The following SNX9 variants were observed in gnomAD, a reference collection of about 807,000 sequenced individuals.
The protein encoded by SNX9 is sorting nexin 9, also known as sorting nexin-9.
A neutral mutation model predicts 89.4 loss-of-function variants in SNX9; 44 were observed. The ratio of observed to expected loss-of-function variants is 0.49; its 90% CI spans 0.39 to 0.63. SNX9 has a LOEUF of 0.63. Ranked by LOEUF, SNX9 falls within the 30% of genes least tolerant of loss-of-function variation. SNX9 has a pLI of 0.00. For synonymous variants in SNX9, 236 were observed against 247.8 expected (o/e 0.95, Z 0.45); for missense variants, 578 against 736.1 (o/e 0.79, Z 2.49).
Position 157,844,587 on chromosome 6 carries a change from G to GTTTTTTTGTTTTTTTTTTTTTTTTTT in SNX9, c.12+21148_12+21149insGTTTTTTTTTTTTTTTTTTTTTTTTT, listed in dbSNP as rs1554291784. ...ATTTTTAATCTTGTGGCTAATCCTT[G>GTTTTTTTGTTTTTTTTTTTTTTTTTT]TTTTTTTTTTTTGTTTTTTTTTTTG... On this transcript the variant is annotated intron_variant, in intron 1 of 17. Transcript: ENST00000392185. 8.4e-5 allele frequency among the ~76,000 whole-genome samples: 11 copies of GTTTTTTTGTTTTTTTTTTTTTTTTTT among 130,296 alleles called. 1 individual carries two copies. The highest frequency in any genetic ancestry group is 2.3e-4 in the Admixed American group (3 of 13,252). 85.5% of individuals were successfully genotyped at this position (130,296 alleles called of 152,430 possible). A position where few individuals can be genotyped will look rare whatever the true frequency, so the allele number is the denominator to read the frequency against.
Position 157,852,021 on chromosome 6 carries a change from C to T in SNX9, c.13-15526C>T, listed in dbSNP as rs1781924804. On this transcript the variant is annotated intron_variant, in intron 1 of 17. Coordinates refer to ENST00000392185, the MANE Select transcript of SNX9 (RefSeq NM_016224.5). ...TTCCTTTGTATTTTGTTTATTCATCCGTTGATGGACATTTGAGTTGCTGCC... is the reference window on the plus strand; with the variant it reads ...TTCCTTTGTATTTTGTTTATTCATCTGTTGATGGACATTTGAGTTGCTGCC... 2.0e-5 allele frequency among the ~76,000 whole-genome samples: 3 copies of T among 152,214 alleles called. No individual in the cohort carries two copies. In the South Asian group the frequency reaches 6.2e-4, roughly 32 times the overall value.
At chr6:157,856,583 C>T (rs1041495676) in intron 1 of SNX9, among the ~76,000 whole-genome samples, 2 of 152,186 alleles carry the variant, frequency 1.3e-5, no homozygotes, top group Non-Finnish European at 2.9e-5. Context: ...CAGTTGGACT[C>T]AGAATCCTAA....
chr6:157,891,579 T>A (rs959082612), intron 4 of SNX9, among the ~76,000 whole-genome samples: 2 of 152,308 alleles, frequency 1.3e-5, no homozygotes. Context: ...ATTTAAAATA[T>A]TTGAGTCCTT....
intron 1 of SNX9, among the ~76,000 whole-genome samples, chr6:157,828,885 T>G (rs1402441189): frequency 4.6e-5 from 7 of 152,176 alleles, no homozygotes; most frequent in African/African-American, 1.7e-4. Context: ...ATTTTATATT[T>G]GTTTCTATAA....
At chr6:157,926,780 CAAAAAAAA>C (rs71027371) in intron 10 of SNX9, among the ~76,000 whole-genome samples, 8 of 60,728 alleles carry the variant, frequency 1.3e-4, no homozygotes, top group East Asian at 1.1e-3. Flanking sequence ...GACTCTGTCT[CAAAAAAAA>C]AAAAAAAAAA....
At chr6:157,845,083 C>A (rs1306177042) in intron 1 of SNX9, among the ~76,000 whole-genome samples, 2 of 151,114 alleles carry the variant, frequency 1.3e-5, no homozygotes, top group Non-Finnish European at 2.9e-5. Flanking sequence ...TCAGCCACCG[C>A]ACCTGGCCCT....
In SNX9 at chr6:157,823,375, A is replaced by T; in HGVS notation, c.-60A>T. The T allele has an allele frequency of 7.9e-7, 1 of 1,267,530 alleles. No individual in the cohort carries two copies. Among genetic ancestry groups the T allele is most frequent in the Non-Finnish European group, 1.0e-6 (1 of 998,546 alleles). The allele number at this position is 1,267,530 out of a possible 1,614,324, so 78.5% of individuals were successfully genotyped here. ...CCTTGCCTTTGCCTGCGCGGCTCAG[A>T]ATCACCATCCGCGGCGCGGGAGACG... is the stretch of plus-strand genomic sequence containing the variant. On this transcript the variant is annotated 5_prime_UTR_variant, in exon 1 of 18. Transcript: ENST00000392185. This position sits in a 1 kb window ranked among gnomAD's most constrained non-coding sequence, Gnocchi z 4.6.
Position 157,823,391 on chromosome 6 carries a change from G to A in SNX9, c.-44G>A. The A allele has an allele frequency of 7.9e-7, 1 of 1,272,448 alleles. No individual in the cohort carries two copies. Among genetic ancestry groups the A allele is most frequent in the Non-Finnish European group, 1.0e-6 (1 of 1,001,836 alleles). The allele number at this position is 1,272,448 out of a possible 1,614,324, so 78.8% of individuals were successfully genotyped here. ...GCGGCTCAGAATCACCATCCGCGGC[G>A]CGGGAGACGAGCCGGCCGTCCCGGG... On this transcript the variant is annotated 5_prime_UTR_variant, in exon 1 of 18. Transcript: ENST00000392185. This position sits in a 1 kb window ranked among gnomAD's most constrained non-coding sequence, Gnocchi z 4.6.
intron 4 of SNX9, among the ~76,000 whole-genome samples, chr6:157,894,729 A>G (rs1273516859): frequency 2.0e-5 from 3 of 152,236 alleles, no homozygotes; most frequent in Non-Finnish European, 2.9e-5. Context: ...CCTCAGCGTG[A>G]CAGTTGTCAG....
At chr6:157,875,810 G>A (rs914422361) in intron 4 of SNX9, among the ~76,000 whole-genome samples, 1 of 152,170 alleles carries the variant, frequency 6.6e-6, no homozygotes, top group Non-Finnish European at 1.5e-5. Context: ...ATGACACAGA[G>A]TAAGTGACAA....
At position 157,823,963 on chromosome 6, in the gene SNX9, G is replaced by A. The variant is rs940798395; in HGVS notation, c.12+517G>A. Among the ~76,000 whole-genome samples, 1 of 152,206 alleles carries A rather than the reference G, an allele frequency of 6.6e-6. No individual in the cohort carries two copies. On this transcript the variant is annotated intron_variant, in intron 1 of 17. Transcript: ENST00000392185. This position sits in a 1 kb window ranked among gnomAD's most constrained non-coding sequence, Gnocchi z 4.6. The stretch of plus-strand genomic sequence containing the variant: ...CGGCCTGCGGGGGCTCGCGGCCGGG[G>A]AGGGACCGAGGCTGGGACGCCCCGC...
Position 157,909,893 on chromosome 6 carries a change from T to C in SNX9, c.832-15T>C, listed in dbSNP as rs1783302817. The stretch of plus-strand genomic sequence containing the variant: ...GTTGGCATTGGTAACCTTTTCTCTT[T>C]CCCTTATTTTGTAGAACACTAATCG... On this transcript the variant is annotated splice_polypyrimidine_tract_variant and intron_variant, in intron 8 of 17. Transcript: ENST00000392185. 1 of 1,612,980 alleles carries C rather than the reference T, an allele frequency of 6.2e-7. No homozygotes were observed. Among genetic ancestry groups the C allele is most frequent in the African/African-American group, 1.3e-5 (1 of 74,884 alleles).
At chr6:157,826,564 T>C (rs893904779) in intron 1 of SNX9, among the ~76,000 whole-genome samples, 2 of 150,212 alleles carry the variant, frequency 1.3e-5, no homozygotes, top group African/African-American at 2.5e-5. Context: ...TTATCTATTT[T>C]CTATTTCTAC....
chr6:157,935,544 G>A (rs901409654), intron 13 of SNX9, among the ~76,000 whole-genome samples: 2 of 152,152 alleles, frequency 1.3e-5, no homozygotes, highest in Non-Finnish European at 2.9e-5. Flanking sequence ...AGGGGCCGAG[G>A]GAGAAGAATC....
intron 5 of SNX9, among the ~76,000 whole-genome samples, chr6:157,900,862 A>AG (rs1406010267): frequency 1.3e-5 from 2 of 152,234 alleles, no homozygotes; most frequent in Non-Finnish European, 2.9e-5. Context: ...CCGTAGAAAC[A>AG]GGACGTGAAG....
chr6:157,923,103 C>T (rs1481359012), intron 10 of SNX9, among the ~76,000 whole-genome samples: 1 of 152,064 alleles, frequency 6.6e-6, no homozygotes, highest in African/African-American at 2.4e-5. Context: ...GAGGGATCAA[C>T]GTGTCATAAA....
At chr6:157,832,912 G>T (rs760693616) in intron 1 of SNX9, among the ~76,000 whole-genome samples, 2 of 152,148 alleles carry the variant, frequency 1.3e-5, no homozygotes, top group Non-Finnish European at 2.9e-5. Context: ...TATCACTTCA[G>T]TTGCTTCAAA....
intron 7 of SNX9, 102 bp from the exon 8 acceptor site, chr6:157,909,563 A>G (rs1371421270): frequency 4.4e-6 from 6 of 1,371,552 alleles, no homozygotes; most frequent in Non-Finnish European, 6.1e-6. Context: ...TGACCCTCCA[A>G]AGGACTTCTC....
At chr6:157,850,931 T>G (rs1396742612) in intron 1 of SNX9, among the ~76,000 whole-genome samples, 1 of 152,186 alleles carries the variant, frequency 6.6e-6, no homozygotes, top group Non-Finnish European at 1.5e-5. Context: ...TCCACAATTG[T>G]ACATTTTTAC....
Sources: gnomAD v4.1 joint callset for allele counts (sites outside exome capture counted in the v4.1 genomes callset) on GRCh38, gnomAD v4.1.1 for gene constraint, Gnocchi (gnomAD v3.1) non-coding constraint, MANE v1.5 for transcripts, NCBI Gene and HGNC (gene_info 2026-07-23, HGNC 2026-07-21) for gene names.